Variants in IZUMO1R observed in about 807,000 individuals in gnomAD.
The protein encoded by IZUMO1R is sperm-egg fusion protein Juno.
IZUMO1R carries 24 observed loss-of-function variants against 22.1 expected under a neutral mutation model. The ratio of observed to expected loss-of-function variants is 1.09; its 90% confidence interval spans 0.79 to 1.53. The LOEUF is 1.53. Ranked by LOEUF, IZUMO1R falls within the 40% of genes most tolerant of loss-of-function variation. The pLI is 0.00. For synonymous variants in IZUMO1R, 133 were observed against 121.2 expected (o/e 1.10, Z -0.64); for missense variants, 308 against 314.9 (o/e 0.98, Z 0.17).
rs1944043375 is a variant in IZUMO1R at position 94,308,088 on chromosome 11, T to G, written c.*396T>G. On this transcript the variant is annotated 3_prime_UTR_variant, in exon 5 of 5. Transcript: ENST00000687084. ...CCCCTTTCTGTGACAGAGCTGATGG[T>G]GGCAGACCTGGCCTCCCATCCTCCG... Among the ~76,000 whole-genome samples, 1 of 151,896 alleles carries G rather than the reference T, an allele frequency of 6.6e-6. No individual in the cohort carries two copies. The highest frequency in any genetic ancestry group is 1.5e-5 in the Non-Finnish European group (1 of 67,978).
chr11:94,307,434 C>T lies in IZUMO1R; in HGVS notation c.495C>T (p.Arg165=). The change falls in exon 5 of 5, where the codon CGC becomes CGT. Residue 165 remains arginine (R), a synonymous_variant. Coordinates refer to ENST00000687084, the MANE Select transcript of IZUMO1R (RefSeq NM_001199206.4). ...GGWDWSQGKN[R]CPKGAQCLPF... ...CTCCATCCCCTGCAGGGAAGAACCG[C>T]TGCCCCAAAGGGGCCCAGTGCCTCC... 1 of 1,613,950 alleles carries T rather than the reference C, an allele frequency of 6.2e-7. No individual in the cohort carries two copies. The highest frequency in any genetic ancestry group is 8.5e-7 in the Non-Finnish European group (1 of 1,179,874).
At position 94,305,686 on chromosome 11, in the gene IZUMO1R, CCTGGGCTGGGGACGAG is replaced by C. The variant is rs766567541; in HGVS notation, c.54_69del (p.Trp18CysfsTer6). On this transcript the variant is annotated frameshift_variant, in exon 2 of 5. Coordinates refer to ENST00000687084, the MANE Select transcript of IZUMO1R (RefSeq NM_001199206.4). LOFTEE classifies it high-confidence loss of function. ...CTAGAGCTGTGGACAGTCATGCCCA[CCTGGGCTGGGGACGAG>C]CTGCTCAACATCTGCATGAATGCCA... The C allele has an allele frequency of 6.2e-7, 1 of 1,613,350 alleles. No individual in the cohort carries two copies. Among genetic ancestry groups the C allele is most frequent in the South Asian group, 1.1e-5 (1 of 91,022 alleles).
At chr11:94,305,034 A>G (rs1315494972) in intron 1 of IZUMO1R, among the ~76,000 whole-genome samples, 155 bp downstream of exon 1, 2 of 152,146 alleles carry the variant, frequency 1.3e-5, no homozygotes, top group African/African-American at 4.8e-5. Flanking sequence ...TGGGCTCTGA[A>G]GAGGGGGGCT....
intron 2 of IZUMO1R, 87 bp downstream of exon 2, chr11:94,305,861 G>A (rs1414748386): frequency 2.0e-6 from 3 of 1,463,488 alleles, no homozygotes; most frequent in African/African-American, 2.8e-5. Context: ...CATCAACCCT[G>A]ATCATTTGGT....
Position 94,307,159 on chromosome 11 carries a change from A to G in IZUMO1R, c.349-6A>G. The G allele has an allele frequency of 6.3e-7, 1 of 1,589,898 alleles. No homozygotes were observed. Among genetic ancestry groups the G allele is most frequent in the Non-Finnish European group, 8.6e-7 (1 of 1,167,784 alleles). ...TGTTCTAATCTCTGGCTATGACTGC[A>G]CCCAGGTGGCCCCGAGTGGGCAGGG... On this transcript the variant is annotated splice_polypyrimidine_tract_variant and splice_region_variant and intron_variant, in intron 3 of 4. Transcript: ENST00000687084.
rs749960259 is a variant in IZUMO1R, at chr11:94,307,279, G to A, written c.463G>A (p.Gly155Ser). 6.2e-7 allele frequency: 1 copy of A among 1,612,806 alleles called. No homozygotes were observed. Among genetic ancestry groups the A allele is most frequent in the Non-Finnish European group, 8.5e-7 (1 of 1,179,444 alleles). ...TTACACATGCAAATCCAACTGGCGT[G>A]GTGGCTGGGACTGGAGTCAGGGTGA... The part of the protein sequence containing the change: ...MSYTCKSNWR[G>S]GWDWSQGKNR... Residue 155 changes from glycine (G) to serine (S), a missense_variant, in exon 4 of 5, where the codon GGT becomes AGT. Transcript: ENST00000687084.
chr11:94,306,307 GGGGGTCATTGTGCA>G (rs1944018234), intron 2 of IZUMO1R, among the ~76,000 whole-genome samples, 192 bp from the exon 3 acceptor site: 1 of 152,116 alleles, frequency 6.6e-6, no homozygotes, highest in African/African-American at 2.4e-5. Context: ...GCCTGTGGCA[GGGGGTCATTGTGCA>G]GGTGCCTCTG....
chr11:94,307,672 T>C lies in IZUMO1R; in HGVS notation c.733T>C (p.Phe245Leu), dbSNP rs745604888. The part of the protein sequence containing the change: ...LSYTIMVCSL[F>L]LPFLS ...CTACACCATCATGGTCTGCTCCCTG[T>C]TCCTGCCGTTCCTTTCCTGAGAGCC... The change falls in exon 5 of 5, where the codon TTC (phenylalanine) becomes CTC (leucine). Residue 245 changes from phenylalanine (F) to leucine (L), a missense_variant. Physicochemically the swap from Phe to Leu is conservative, Grantham distance 22 (BLOSUM62 0). Coordinates refer to ENST00000687084, the MANE Select transcript of IZUMO1R (RefSeq NM_001199206.4). 3 of 1,612,786 alleles carry C rather than the reference T, an allele frequency of 1.9e-6. No individual in the cohort carries two copies. In the South Asian group the frequency reaches 3.3e-5, roughly 18 times the overall value.
At chr11:94,306,872 A>G in intron 3 of IZUMO1R, 150 bp downstream of exon 3, 1 of 869,082 alleles carries the variant, frequency 1.2e-6, no homozygotes, top group Non-Finnish European at 1.8e-6. Context: ...CTGCTGGAGA[A>G]TCACATGGGG....
chr11:94,305,498 C>T lies in IZUMO1R; in HGVS notation c.-6-133C>T, dbSNP rs1254458695. 10 of 1,076,346 alleles carry T rather than the reference C, an allele frequency of 9.3e-6. No homozygotes were observed. In the East Asian group the frequency reaches 2.4e-4, roughly 26 times the overall value. 66.7% of individuals were successfully genotyped at this position (1,076,346 alleles called of 1,614,324 possible). On this transcript the variant is annotated intron_variant, in intron 1 of 4. Transcript: ENST00000687084. ...GTGATGCTGCCTCCAAAAGAAGGTC[C>T]TAGGAGCAGCCAGAGTGTTGCAATT...
chr11:94,308,133 G>A lies in IZUMO1R; in HGVS notation c.*441G>A, dbSNP rs1447444047. ...CCTCCGACGGTGTCTTCAATAAATC[G>A]GCACTCAACCTCTCCTCTGCTTGAC... On this transcript the variant is annotated 3_prime_UTR_variant, in exon 5 of 5. Transcript: ENST00000687084. 6.6e-6 allele frequency among the ~76,000 whole-genome samples: 1 copy of A among 151,770 alleles called. No homozygotes were observed. The highest frequency in any genetic ancestry group is 1.5e-5 in the Non-Finnish European group (1 of 67,984).
intron 2 of IZUMO1R, 91 bp from the exon 3 acceptor site, chr11:94,306,422 G>A (rs1944019469): frequency 1.6e-6 from 2 of 1,250,116 alleles, no homozygotes; most frequent in East Asian, 2.3e-5. Context: ...GCCTCCTAAG[G>A]GACATTTTCA....
At chr11:94,305,306 A>G (rs1305862056) in intron 1 of IZUMO1R, among the ~76,000 whole-genome samples, 2 of 152,172 alleles carry the variant, frequency 1.3e-5, no homozygotes, top group East Asian at 1.9e-4. Context: ...AGAGTTGGAA[A>G]TAGGAAGGGC....
chr11:94,308,019 A>T lies in IZUMO1R; in HGVS notation c.*327A>T, dbSNP rs1482025383. On this transcript the variant is annotated 3_prime_UTR_variant, in exon 5 of 5. Coordinates refer to ENST00000687084, the MANE Select transcript of IZUMO1R (RefSeq NM_001199206.4). ...GCCACCTCCTGCCTTGAGGGATGGG[A>T]GCTTTCAAGGGGCTCAAGGACTTTC... Among the ~76,000 whole-genome samples the T allele has an allele frequency of 6.6e-6, 1 of 151,734 alleles. No homozygotes were observed. Among genetic ancestry groups the T allele is most frequent in the East Asian group, 2.0e-4 (1 of 5,068 alleles).
In IZUMO1R at chr11:94,305,673, A is replaced by T. The variant is rs762287932; in HGVS notation, c.37A>T (p.Thr13Ser). Reference protein sequence around the residue: ...CWWPLLLELWTVMPTWAGDEL... With the variant: ...CWWPLLLELWSVMPTWAGDEL... ...GTGGCCGCTCCTGCTAGAGCTGTGG[A>T]CAGTCATGCCCACCTGGGCTGGGGA... The change falls in exon 2 of 5, where the codon ACA becomes TCA. Residue 13 changes from threonine (T) to serine (S), a missense_variant. Thr to Ser is a moderately conservative substitution (Grantham distance 58). Coordinates refer to ENST00000687084, the MANE Select transcript of IZUMO1R (RefSeq NM_001199206.4). The T allele has an allele frequency of 2.5e-6, 4 of 1,613,088 alleles. No homozygotes were observed. The South Asian group carries it at 4.4e-5, about 18-fold the overall frequency.
At position 94,306,502 on chromosome 11, in the gene IZUMO1R, T is replaced by G. The variant is rs1944020597; in HGVS notation, c.139-11T>G. ...TTTGCCTGGGCCTTTTGTTTCTTCC[T>G]CTGCCTTCAGTGCATCCCCTGGAAG... On this transcript the variant is annotated splice_polypyrimidine_tract_variant and intron_variant, in intron 2 of 4. Coordinates refer to ENST00000687084, the MANE Select transcript of IZUMO1R (RefSeq NM_001199206.4). 1 of 1,613,580 alleles carries G rather than the reference T, an allele frequency of 6.2e-7. No homozygotes were observed. The highest frequency in any genetic ancestry group is 8.5e-7 in the Non-Finnish European group (1 of 1,179,708).
Position 94,306,527 on chromosome 11 carries a change from G to T in IZUMO1R, c.153G>T (p.Lys51Asn), listed in dbSNP as rs1336597556. The T allele has an allele frequency of 6.2e-7, 1 of 1,613,864 alleles. No individual in the cohort carries two copies. The highest frequency in any genetic ancestry group is 1.7e-5 in the Admixed American group (1 of 60,016). Residue 51 changes from lysine (K) to asparagine (N), a missense_variant, in exon 3 of 5, where the codon AAG (lysine) becomes AAT (asparagine). Physicochemically the swap from Lys to Asn is moderately conservative, Grantham distance 94. Transcript: ENST00000687084. ...DKLYEECIPW[K>N]DNACCTLTTS... ...TCTGCCTTCAGTGCATCCCCTGGAA[G>T]GACAATGCCTGCTGCACCCTCACGA...
At chr11:94,306,842 A>G in intron 3 of IZUMO1R, 120 bp downstream of exon 3, 1 of 1,046,250 alleles carries the variant, frequency 9.6e-7, no homozygotes, top group Non-Finnish European at 1.4e-6. Flanking sequence ...CCCTATGGAC[A>G]AGAGCAGAGC....
Position 94,307,818 on chromosome 11 carries a change from A to T in IZUMO1R, c.*126A>T. On this transcript the variant is annotated 3_prime_UTR_variant, in exon 5 of 5. Transcript: ENST00000687084. Reference sequence around the variant, plus strand: ...GGCATGGGCTAGGGACTGCAGTCCCACCCAGTCTAGCCCATGCCACTGCTT... The same window carrying T: ...GGCATGGGCTAGGGACTGCAGTCCCTCCCAGTCTAGCCCATGCCACTGCTT... 1 of 359,034 alleles carries T rather than the reference A, an allele frequency of 2.8e-6. No homozygotes were observed. Among genetic ancestry groups the T allele is most frequent in the Non-Finnish European group, 4.3e-6 (1 of 231,254 alleles). The allele number at this position is 359,034 out of a possible 1,614,324, so 22.2% of individuals were successfully genotyped here.
Sources: allele counts gnomAD v4.1 joint callset (sites outside exome capture counted in the v4.1 genomes callset), GRCh38; gene constraint gnomAD v4.1.1; transcripts MANE v1.5; gene names NCBI Gene and HGNC (gene_info 2026-07-23, HGNC 2026-07-21).